Variants in TNPO1 observed in about 807,000 individuals in gnomAD.
The protein encoded by TNPO1 is transportin 1, also known as transportin-1.
A neutral mutation model predicts 119.5 loss-of-function variants in TNPO1; 8 were observed. The ratio of observed to expected loss-of-function variants is 0.07; its 90% confidence interval spans 0.04 to 0.12. TNPO1 has a LOEUF of 0.12. Ranked by LOEUF, TNPO1 falls within the 10% of genes least tolerant of loss-of-function variation. The probability of loss-of-function intolerance (pLI) is 1.00; values close to 1 mark genes in which losing one functional copy is unlikely to be tolerated. For synonymous variants in TNPO1, 362 were observed against 363.0 expected (o/e 1.00, Z 0.03); for missense variants, 576 against 1,089.8 (o/e 0.53, Z 6.64).
chr5:72,898,585 T>C (rs935886710), intron 20 of TNPO1, among the ~76,000 whole-genome samples: 3 of 152,148 alleles, frequency 2.0e-5, no homozygotes, highest in Admixed American at 6.5e-5. Flanking sequence ...GGCTAATATC[T>C]AGATTTTAGC....
At chr5:72,817,519 G>C (rs2112146964) in intron 1 of TNPO1, among the ~76,000 whole-genome samples, 1 of 152,302 alleles carries the variant, frequency 6.6e-6, no homozygotes, top group Non-Finnish European at 1.5e-5. Flanking sequence ...GATTTTGCAA[G>C]GATTGCTTAG....
At chr5:72,882,893 C>T (rs961425654) in intron 10 of TNPO1, among the ~76,000 whole-genome samples, 171 bp from the exon 11 acceptor site, 2 of 152,080 alleles carry the variant, frequency 1.3e-5, no homozygotes, top group Non-Finnish European at 2.9e-5. Context: ...GTCTATTCGC[C>T]CCTCCATAAG....
intron 6 of TNPO1, among the ~76,000 whole-genome samples, chr5:72,872,138 A>C (rs1322048012): frequency 1.3e-5 from 2 of 152,202 alleles, no homozygotes; most frequent in African/African-American, 4.8e-5. Flanking sequence ...AACCCTGGTA[A>C]GAGATCAGAG....
intron 1 of TNPO1, among the ~76,000 whole-genome samples, chr5:72,820,537 A>T (rs1743911633): frequency 6.6e-6 from 1 of 152,070 alleles, no homozygotes; most frequent in African/African-American, 2.4e-5. Flanking sequence ...CATTTTTCTC[A>T]TTTATTATGT....
At position 72,841,646 on chromosome 5, in the gene TNPO1, T is replaced by C. The variant is rs149194084; in HGVS notation, c.16-6739T>C. 1.8e-3 allele frequency among the ~76,000 whole-genome samples: 277 copies of C among 152,302 alleles called. 2 individuals carry two copies. Among genetic ancestry groups the C allele is most frequent in the African/African-American group, 6.4e-3 (266 of 41,568 alleles). ...GAGCCACCGCGCCCAGCCTATAGAC[T>C]TTCTTAAAGGACTTTCTAGTTCCAC... On this transcript the variant is annotated intron_variant, in intron 1 of 24. Coordinates refer to ENST00000337273, the MANE Select transcript of TNPO1 (RefSeq NM_002270.4).
At chr5:72,870,707 T>G (rs1018852626) in intron 6 of TNPO1, among the ~76,000 whole-genome samples, 1 of 152,204 alleles carries the variant, frequency 6.6e-6, no homozygotes, top group Non-Finnish European at 1.5e-5. Context: ...CCCAAGTTTC[T>G]AAAAATGGTT....
At chr5:72,883,508 T>C (rs1748400169) in intron 11 of TNPO1, among the ~76,000 whole-genome samples, 1 of 152,240 alleles carries the variant, frequency 6.6e-6, no homozygotes, top group Non-Finnish European at 1.5e-5. Flanking sequence ...TTCATGTAAA[T>C]GGAGTCATAC....
chr5:72,871,878 A>G (rs1747432578), intron 6 of TNPO1: 1 of 152,256 alleles, frequency 6.6e-6, no homozygotes, highest in Admixed American at 6.5e-5. Flanking sequence ...AATTTAGCCC[A>G]TGACCTGCAA....
chr5:72,877,104 A>G (rs907396583), intron 8 of TNPO1, 124 bp from the exon 9 acceptor site: 5 of 501,604 alleles, frequency 1.0e-5, no homozygotes, highest in African/African-American at 9.9e-5. Flanking sequence ...CAAAAAAAAA[A>G]AAAAAAAAAA....
At chr5:72,861,556 C>T (rs1746447483) in intron 4 of TNPO1, among the ~76,000 whole-genome samples, 1 of 152,138 alleles carries the variant, frequency 6.6e-6, no homozygotes, top group African/African-American at 2.4e-5. Flanking sequence ...CGCATACCAT[C>T]ACGCCCAGCT....
chr5:72,883,238 T>C lies in TNPO1; in HGVS notation c.1150+6T>C, dbSNP rs753547955. ...AATTTCTGACTGGAATCTAAGTAAG[T>C]CAGAAAGGGAAAAGCACAGTTGCCT... On this transcript the variant is annotated splice_donor_region_variant and intron_variant, in intron 11 of 24. Coordinates refer to ENST00000337273, the MANE Select transcript of TNPO1 (RefSeq NM_002270.4). The C allele has an allele frequency of 2.9e-6, 4 of 1,384,996 alleles. No individual in the cohort carries two copies. The African/African-American group carries it at 5.7e-5, about 20-fold the overall frequency. The allele number at this position is 1,384,996 out of a possible 1,614,324, so 85.8% of individuals were successfully genotyped here.
chr5:72,877,701 C>T (rs1747901988), intron 9 of TNPO1, among the ~76,000 whole-genome samples: 1 of 151,968 alleles, frequency 6.6e-6, no homozygotes, highest in Non-Finnish European at 1.5e-5. Context: ...TAATTTCCCA[C>T]TAGTTGTGAT....
rs1339190387 is a variant in TNPO1 at position 72,910,200 on chromosome 5, A to G, written c.*1527A>G. The G allele has an allele frequency of 6.6e-6, 1 of 152,646 alleles. No individual in the cohort carries two copies. Among genetic ancestry groups the G allele is most frequent in the Non-Finnish European group, 1.5e-5 (1 of 68,026 alleles). The allele number at this position is 152,646 out of a possible 1,614,324, so 9.5% of individuals were successfully genotyped here. ...CTCTGTGCCCTAGATATATGCACAC[A>G]GGGTGCAAGTTAAAAGCTACAGAGT... On this transcript the variant is annotated 3_prime_UTR_variant, in exon 25 of 25. Transcript: ENST00000337273.
At chr5:72,886,762 A>G (rs1371835681) in intron 11 of TNPO1, among the ~76,000 whole-genome samples, 1 of 151,750 alleles carries the variant, frequency 6.6e-6, no homozygotes, top group Non-Finnish European at 1.5e-5. Context: ...ACTGGCACAC[A>G]CCTGTAATCC....
chr5:72,871,666 T>C (rs1277224939), intron 6 of TNPO1: 1 of 152,224 alleles, frequency 6.6e-6, no homozygotes, highest in Non-Finnish European at 1.5e-5. Flanking sequence ...GAAGTGAGTC[T>C]ATGAAAGATG....
intron 1 of TNPO1, among the ~76,000 whole-genome samples, chr5:72,834,456 A>ACACTGAC (rs1435876888): frequency 1.3e-5 from 2 of 152,162 alleles, no homozygotes; most frequent in Non-Finnish European, 2.9e-5. Context: ...GGCATTGATG[A>ACACTGAC]CACTGACCCT....
intron 1 of TNPO1, among the ~76,000 whole-genome samples, chr5:72,845,117 G>T: frequency 6.8e-6 from 1 of 147,966 alleles, no homozygotes. Context: ...GGGCCAATCA[G>T]GCATAAGTTG....
chr5:72,875,478 A>G (rs1580437347), intron 7 of TNPO1, 137 bp from the exon 8 acceptor site: 3 of 722,860 alleles, frequency 4.2e-6, no homozygotes, highest in Admixed American at 5.9e-5. Flanking sequence ...TAATTCTTGT[A>G]ATCTAATATT....
chr5:72,883,370 C>T (rs1580451990), intron 11 of TNPO1, 138 bp downstream of exon 11: 1 of 620,980 alleles, frequency 1.6e-6, no homozygotes, highest in East Asian at 2.8e-5. Flanking sequence ...GCTGTTCAAC[C>T]ATTACCACAA....
Sources: gnomAD v4.1 joint callset for allele counts (sites outside exome capture counted in the v4.1 genomes callset) on GRCh38, gnomAD v4.1.1 for gene constraint, MANE v1.5 for transcripts, NCBI Gene and HGNC (gene_info 2026-07-23, HGNC 2026-07-21) for gene names.